The following CNGA4 variants were observed in gnomAD, a reference collection of about 807,000 sequenced individuals.
CNGA4 encodes the protein cyclic nucleotide-gated channel alpha-4.
CNGA4 carries 32 observed loss-of-function variants against 45.6 expected under a neutral mutation model. The ratio of observed to expected loss-of-function variants is 0.70; its 90% CI spans 0.53 to 0.94. CNGA4 has a LOEUF of 0.94. Ranked by LOEUF, CNGA4 falls within the 40% of genes least tolerant of loss-of-function variation. The pLI is 0.00. For missense variants in CNGA4, 726 were observed against 755.1 expected, an observed-to-expected ratio of 0.96 and a Z score of 0.45; for synonymous variants, 293 against 304.6, an observed-to-expected ratio of 0.96 and a Z score of 0.40.
At chr11:6,235,481 C>T (rs1391684803), upstream of CNGA4, 1 of 985,224 alleles carries the variant, frequency 1.0e-6, no homozygotes, top group African/African-American at 1.7e-5. Context: ...AGGAGCAGCA[C>T]TTAGCATGAT....
At chr11:6,241,853 G>A (rs1564878806) in intron 5 of CNGA4, 73 bp downstream of exon 5, 1 of 1,373,036 alleles carries the variant, frequency 7.3e-7, no homozygotes, top group Non-Finnish European at 1.0e-6. Flanking sequence ...CCAGTGCTGG[G>A]ACCAGATAGT....
At chr11:6,244,585 T>TACACACAC (rs59621297), downstream of CNGA4, among the ~76,000 whole-genome samples, 141 of 141,906 alleles carry the variant, frequency 9.9e-4, no homozygotes, top group East Asian at 2.8e-3. This position sits in a 1 kb window ranked among gnomAD's most constrained non-coding sequence, Gnocchi z 4.5. Context: ...CACTTACCAG[T>TACACACAC]ACACACACAC....
chr11:6,241,692 G>C lies in CNGA4; in HGVS notation c.1179G>C (p.Leu393=), dbSNP rs544011023. The C allele has an allele frequency of 1.9e-6, 3 of 1,614,212 alleles. No homozygotes were observed. Among genetic ancestry groups the C allele is most frequent in the South Asian group, 2.2e-5 (2 of 91,088 alleles). The change falls in exon 5 of 6, where the codon CTG becomes CTC. Residue 393 remains leucine (L), a synonymous_variant. Coordinates refer to ENST00000379936, the MANE Select transcript of CNGA4 (RefSeq NM_001037329.4). Reference sequence around the variant, plus strand: ...TGTACATCATCCGAGAGGGTCAACTGGCCGTGGTGGCAGATGATGGTATCA... The same window carrying C: ...TGTACATCATCCGAGAGGGTCAACTCGCCGTGGTGGCAGATGATGGTATCA... ...QEMYIIREGQ[L]AVVADDGITQ...
chr11:6,239,265 C>T lies in CNGA4; in HGVS notation c.59C>T (p.Ala20Val). Residue 20 changes from alanine to valine, a missense_variant, in exon 1 of 6, where the codon GCC becomes GTC. Transcript: ENST00000379936. ...TESSPPAPSK[A>V]RKLLPVLDPS... Reference sequence around the variant, plus strand: ...TCCAGTCCCCCAGCCCCATCCAAGGCCAGGTGAGAAGTCCTGGTCCCTTGT... The same window carrying T: ...TCCAGTCCCCCAGCCCCATCCAAGGTCAGGTGAGAAGTCCTGGTCCCTTGT... 2 of 1,614,202 alleles carry T rather than the reference C, an allele frequency of 1.2e-6. No individual in the cohort carries two copies. Among genetic ancestry groups the T allele is most frequent in the Non-Finnish European group, 1.7e-6 (2 of 1,180,008 alleles).
At position 6,240,167 on chromosome 11, in the gene CNGA4, A is replaced by T; in HGVS notation, c.373A>T (p.Thr125Ser). Reference sequence around the variant, plus strand: ...CTTGGACCTGGCTTCCCTGATGCCCACAGATGTGGTCTACGTGCGGCTGGG... The same window carrying T: ...CTTGGACCTGGCTTCCCTGATGCCCTCAGATGTGGTCTACGTGCGGCTGGG... ...FFLDLASLMP[T>S]DVVYVRLGPH... The change falls in exon 4 of 6, where the codon ACA (threonine) becomes TCA (serine). Residue 125 changes from threonine (T) to serine (S), a missense_variant. Thr to Ser is a moderately conservative substitution (Grantham distance 58). Coordinates refer to ENST00000379936, the MANE Select transcript of CNGA4 (RefSeq NM_001037329.4). The surrounding 1 kb of genome is among the most constrained non-coding windows in gnomAD (Gnocchi z 4.9). 6.2e-7 allele frequency: 1 copy of T among 1,614,196 alleles called. No individual in the cohort carries two copies. The highest frequency in any genetic ancestry group is 1.1e-5 in the South Asian group (1 of 91,080).
rs971276895 is a variant in CNGA4 at position 6,239,260 on chromosome 11, C to A, written c.54C>A (p.Ser18=). 13 of 1,614,050 alleles carry A rather than the reference C, an allele frequency of 8.1e-6. No individual in the cohort carries two copies. The highest frequency in any genetic ancestry group is 9.3e-6 in the Non-Finnish European group (11 of 1,179,988). ...CAGAGTCCAGTCCCCCAGCCCCATC[C>A]AAGGCCAGGTGAGAAGTCCTGGTCC... ...KTTESSPPAP[S]KARKLLPVLD... is the part of the protein sequence containing the mutation. Residue 18 remains serine, a synonymous_variant, in exon 1 of 6, where the codon TCC becomes TCA. Transcript: ENST00000379936.
chr11:6,239,653 T>A, intron 2 of CNGA4, 31 bp from the exon 3 acceptor site: 1 of 1,608,682 alleles, frequency 6.2e-7, no homozygotes, highest in Non-Finnish European at 8.5e-7. Flanking sequence ...AGGGTGCCCT[T>A]AATTCAATCA....
intron 5 of CNGA4, among the ~76,000 whole-genome samples, chr11:6,243,519 A>G (rs139288299): frequency 2.2e-3 from 328 of 152,280 alleles, no homozygotes; most frequent in Middle Eastern, 0.01. Flanking sequence ...ACCTCCCACC[A>G]GGTCCCACCC....
chr11:6,239,667 T>G lies in CNGA4; in HGVS notation c.165-17T>G. The G allele has an allele frequency of 1.2e-6, 2 of 1,613,038 alleles. No individual in the cohort carries two copies. Among genetic ancestry groups the G allele is most frequent in the Non-Finnish European group, 1.7e-6 (2 of 1,179,330 alleles). On this transcript the variant is annotated splice_polypyrimidine_tract_variant and intron_variant, in intron 2 of 5. Transcript: ENST00000379936. ...GAGGGTGCCCTTAATTCAATCATGC[T>G]TAACCCTGCCCTGCAGAGCCTGCTT...
At chr11:6,237,496 C>T (rs984068433), upstream of CNGA4, among the ~76,000 whole-genome samples, 8 of 150,282 alleles carry the variant, frequency 5.3e-5, no homozygotes, top group East Asian at 2.0e-4. Context: ...GGGTGACTGA[C>T]GTCAATCAGA....
At position 6,240,029 on chromosome 11, in the gene CNGA4, A is replaced by G. The variant is rs1369642004; in HGVS notation, c.272-37A>G. Reference sequence around the variant, plus strand: ...GCTCATGCTCAGCCCAAGCTTGACTACAGCAGGTCCGCTTCCTACCGGCTC... The same window carrying G: ...GCTCATGCTCAGCCCAAGCTTGACTGCAGCAGGTCCGCTTCCTACCGGCTC... On this transcript the variant is annotated intron_variant, in intron 3 of 5. Coordinates refer to ENST00000379936, the MANE Select transcript of CNGA4 (RefSeq NM_001037329.4). This position sits in a 1 kb window ranked among gnomAD's most constrained non-coding sequence, Gnocchi z 4.9. 2 of 1,571,190 alleles carry G rather than the reference A, an allele frequency of 1.3e-6. No homozygotes were observed. The highest frequency in any genetic ancestry group is 1.7e-6 in the Non-Finnish European group (2 of 1,158,328).
upstream of CNGA4, among the ~76,000 whole-genome samples, chr11:6,237,135 G>T (rs1312429034): frequency 6.6e-6 from 1 of 152,356 alleles, no homozygotes; most frequent in Middle Eastern, 3.4e-3. Context: ...CCAGAGGGAA[G>T]CTGCATGGCC....
chr11:6,241,341 C>A (rs1847915398), intron 4 of CNGA4, 90 bp from the exon 5 acceptor site: 3 of 1,044,532 alleles, frequency 2.9e-6, no homozygotes, highest in Non-Finnish European at 4.3e-6. Flanking sequence ...TGGTGGGATT[C>A]TTGGCTGGAG....
At chr11:6,238,967 T>C (rs1847870612), upstream of CNGA4, 1 of 1,239,736 alleles carries the variant, frequency 8.1e-7, no homozygotes, top group Admixed American at 3.1e-5. Flanking sequence ...GGTGTTTAGC[T>C]GGGCAGGTGT....
At position 6,244,116 on chromosome 11, in the gene CNGA4, G is replaced by C. The variant is rs769651694; in HGVS notation, c.1435G>C (p.Asp479His). ...GATCCTGCTGAAAATGAACAAGTTG[G>C]ACGTGAATGCTGAGGCAGCTGAGAT... ...REILLKMNKL[D>H]VNAEAAEIAL... is the part of the protein sequence containing the mutation. The change falls in exon 6 of 6, where the codon GAC becomes CAC. Residue 479 changes from aspartate to histidine, a missense_variant. Transcript: ENST00000379936. This position sits in a 1 kb window ranked among gnomAD's most constrained non-coding sequence, Gnocchi z 4.5. 6.2e-7 allele frequency: 1 copy of C among 1,614,210 alleles called. No individual in the cohort carries two copies. The highest frequency in any genetic ancestry group is 8.5e-7 in the Non-Finnish European group (1 of 1,180,042).
upstream of CNGA4, chr11:6,235,398 A>T (rs1398919582): frequency 5.9e-6 from 5 of 846,308 alleles, no homozygotes; most frequent in Non-Finnish European, 7.1e-6. Flanking sequence ...ATCAATTAGA[A>T]CCGGCCTCTG....
upstream of CNGA4, among the ~76,000 whole-genome samples, chr11:6,236,046 G>A (rs1450544379): frequency 6.6e-6 from 1 of 151,716 alleles, no homozygotes; most frequent in African/African-American, 2.4e-5. Flanking sequence ...AGGGGAAGAT[G>A]GATAAGGAAT....
At chr11:6,244,659 C>A (rs61512416), downstream of CNGA4, among the ~76,000 whole-genome samples, 1 of 151,664 alleles carries the variant, frequency 6.6e-6, no homozygotes, top group African/African-American at 2.4e-5. The surrounding 1 kb of genome is among the most constrained non-coding windows in gnomAD (Gnocchi z 4.5). Flanking sequence ...GGCCCCAAGA[C>A]TGTGCATTCC....
chr11:6,244,585 T>TACAC (rs59621297), downstream of CNGA4, among the ~76,000 whole-genome samples: 8,872 of 141,658 alleles, frequency 0.063, 304 homozygotes, highest in Admixed American at 0.088. The surrounding 1 kb of genome is among the most constrained non-coding windows in gnomAD (Gnocchi z 4.5). Flanking sequence ...CACTTACCAG[T>TACAC]ACACACACAC....
Sources: gnomAD v4.1 joint callset for allele counts (sites outside exome capture counted in the v4.1 genomes callset) on GRCh38, gnomAD v4.1.1 for gene constraint, Gnocchi (gnomAD v3.1) non-coding constraint, MANE v1.5 for transcripts, NCBI Gene and HGNC (gene_info 2026-07-23, HGNC 2026-07-21) for gene names.